The following CDH23 variants were observed in gnomAD, a reference collection of about 807,000 sequenced individuals.
The protein encoded by CDH23 is cadherin related 23.
CDH23 carries 189 observed loss-of-function variants against 317.1 expected under a neutral mutation model. The ratio of observed to expected loss-of-function variants is 0.60; its 90% CI spans 0.53 to 0.67. The LOEUF (loss-of-function observed/expected upper bound fraction) is 0.67. CDH23 is among the 30% of genes least tolerant of loss of function. The pLI is 0.00. For missense variants in CDH23, 4,401 were observed against 4,592.4 expected (o/e 0.96, Z 1.20); for synonymous variants, 1,839 against 1,876.8 (o/e 0.98, Z 0.52).
intron 1 of CDH23, among the ~76,000 whole-genome samples, chr10:71,428,663 A>C (rs1392681071): frequency 6.6e-6 from 1 of 151,344 alleles, no homozygotes; most frequent in Non-Finnish European, 1.5e-5. Flanking sequence ...ATCTCAGCTC[A>C]CTGCAACCTC....
intron 38 of CDH23, among the ~76,000 whole-genome samples, chr10:71,745,083 CTCAT>C (rs1227801027): frequency 3.3e-5 from 5 of 152,220 alleles, no homozygotes; most frequent in African/African-American, 9.6e-5. Flanking sequence ...CACTCATTCA[CTCAT>C]TCATTCATTC....
intron 9 of CDH23, among the ~76,000 whole-genome samples, chr10:71,583,846 C>T (rs920321536): frequency 1.3e-5 from 2 of 152,096 alleles, no homozygotes; most frequent in African/African-American, 2.4e-5. Context: ...CATAGATTGG[C>T]CAATAGTCAC....
At chr10:71,658,060 C>T (rs1220461393) in intron 14 of CDH23, among the ~76,000 whole-genome samples, 2 of 152,208 alleles carry the variant, frequency 1.3e-5, no homozygotes, top group African/African-American at 2.4e-5. Flanking sequence ...TTAATGGGCT[C>T]TTCTGTTCAT....
At chr10:71,776,099 A>T (rs1840811034) in intron 38 of CDH23, among the ~76,000 whole-genome samples, 1 of 152,152 alleles carries the variant, frequency 6.6e-6, no homozygotes, top group Admixed American at 6.5e-5. Context: ...CCTTTATTAA[A>T]CAGACAGAAA....
intron 36 of CDH23, 135 bp from the exon 37 acceptor site, chr10:71,740,687 C>T: frequency 7.9e-7 from 1 of 1,263,784 alleles, no homozygotes; most frequent in Admixed American, 2.2e-5. Flanking sequence ...GCTGGCCAGG[C>T]CACCCAGGGG....
intron 57 of CDH23, among the ~76,000 whole-genome samples, chr10:71,806,571 CA>C (rs1364898922): frequency 3.7e-4 from 37 of 99,790 alleles, no homozygotes; most frequent in African/African-American, 1.3e-3. Context: ...GCATGAAAAT[CA>C]GCTCTGATTT....
intron 10 of CDH23, among the ~76,000 whole-genome samples, chr10:71,616,756 TCA>T (rs1674028009): frequency 6.6e-6 from 1 of 152,196 alleles, no homozygotes; most frequent in African/African-American, 2.4e-5. Flanking sequence ...GTGCTGACCC[TCA>T]GAGTCGAGCA....
chr10:71,701,938 G>A (rs371138617), intron 22 of CDH23, 84 bp from the exon 23 acceptor site: 39 of 1,448,284 alleles, frequency 2.7e-5, no homozygotes, highest in South Asian at 2.3e-4. Flanking sequence ...CAGGACCAAC[G>A]TCTGAGCTCA....
At chr10:71,795,289 C>T (rs1841368372) in intron 48 of CDH23, among the ~76,000 whole-genome samples, 1 of 152,058 alleles carries the variant, frequency 6.6e-6, no homozygotes, top group Non-Finnish European at 1.5e-5. Context: ...ACATGATAAA[C>T]TCAATCTGCA....
At chr10:71,511,031 G>A (rs751266332) in intron 5 of CDH23, 30 bp downstream of exon 5, 4 of 1,613,444 alleles carry the variant, frequency 2.5e-6, no homozygotes, top group East Asian at 4.5e-5. Flanking sequence ...CTGGAGGCAT[G>A]TTCCTGGGGT....
At chr10:71,494,421 A>G (rs79043087) in intron 3 of CDH23, among the ~76,000 whole-genome samples, 3 of 152,080 alleles carry the variant, frequency 2.0e-5, no homozygotes, top group African/African-American at 4.8e-5. Flanking sequence ...AACATTGTAT[A>G]TGGGGTCAGG....
At chr10:71,408,377 G>C (rs1848205657) in intron 1 of CDH23, among the ~76,000 whole-genome samples, 1 of 151,816 alleles carries the variant, frequency 6.6e-6, no homozygotes, top group Non-Finnish European at 1.5e-5. Context: ...AGAAGAGAGA[G>C]AGAGAGAGAG....
At chr10:71,636,286 G>T (rs1417880928) in intron 11 of CDH23, among the ~76,000 whole-genome samples, 1 of 152,110 alleles carries the variant, frequency 6.6e-6, no homozygotes, top group Non-Finnish European at 1.5e-5. Context: ...TTGGGAAGCC[G>T]AGGCGGGAGG....
intron 1 of CDH23, among the ~76,000 whole-genome samples, chr10:71,425,410 A>AGGAAGGAAGGAAGGAG (rs1554823191): frequency 2.0e-5 from 3 of 150,050 alleles, no homozygotes; most frequent in South Asian, 2.2e-4. Context: ...GAAGGAAGGA[A>AGGAAGGAAGGAAGGAG]GGAGGGAAGG....
chr10:71,807,209 C>G, intron 57 of CDH23, 68 bp from the exon 58 acceptor site: 1 of 1,584,590 alleles, frequency 6.3e-7, no homozygotes, highest in East Asian at 2.3e-5. Context: ...GCCCAGGGCC[C>G]TGAAACAGGG....
At chr10:71,785,303 A>G (rs556354114) in intron 43 of CDH23, among the ~76,000 whole-genome samples, 26 of 152,324 alleles carry the variant, frequency 1.7e-4, no homozygotes, top group African/African-American at 6.0e-4. Flanking sequence ...CCAGCCCTGA[A>G]GCTTGTCATG....
At chr10:71,610,092 T>A (rs944277305) in intron 9 of CDH23, among the ~76,000 whole-genome samples, 1 of 151,898 alleles carries the variant, frequency 6.6e-6, no homozygotes, top group Non-Finnish European at 1.5e-5. Flanking sequence ...GCAACCTCCG[T>A]CTCCCAGGTT....
chr10:71,623,018 G>A (rs1487665911), intron 11 of CDH23: 1 of 911,698 alleles, frequency 1.1e-6, no homozygotes, highest in East Asian at 1.2e-4. Flanking sequence ...AGCAACAAGT[G>A]TTATGTGCAC....
In CDH23 at chr10:71,751,615, A is replaced by G; in HGVS notation, c.4845+9694A>G. ...GAGTGAGGCCGATGCCCTGCAGGCCATGAGGTCATGACCTTACAGGTCATC... is the reference window on the plus strand; with the variant it reads ...GAGTGAGGCCGATGCCCTGCAGGCCGTGAGGTCATGACCTTACAGGTCATC... On this transcript the variant is annotated intron_variant, in intron 38 of 69. Transcript: ENST00000224721. The surrounding 1 kb of genome is among the most constrained non-coding windows in gnomAD (Gnocchi z 4.9). 4.7e-6 allele frequency: 7 copies of G among 1,494,342 alleles called. No homozygotes were observed. Among genetic ancestry groups the G allele is most frequent in the Non-Finnish European group, 6.3e-6 (7 of 1,118,110 alleles). The allele number at this position is 1,494,342 out of a possible 1,614,324, so 92.6% of individuals were successfully genotyped here. A position where few individuals can be genotyped will look rare whatever the true frequency, so the allele number is the denominator to read the frequency against.
Sources: gnomAD v4.1 joint callset for allele counts (sites outside exome capture counted in the v4.1 genomes callset) on GRCh38, gnomAD v4.1.1 for gene constraint, Gnocchi (gnomAD v3.1) non-coding constraint, MANE v1.5 for transcripts, NCBI Gene and HGNC (gene_info 2026-07-23, HGNC 2026-07-21) for gene names.